The following TNFSF4 variants were observed in gnomAD, a reference collection of about 807,000 sequenced individuals.
TNFSF4 encodes TNF superfamily member 4.
TNFSF4 carries 4 observed loss-of-function variants against 7.3 expected under a neutral mutation model. The ratio of observed to expected loss-of-function variants is 0.55; its 90% CI spans 0.27 to 1.25. TNFSF4 has a LOEUF of 1.25. Ranked by LOEUF, TNFSF4 falls within the 50% of genes most tolerant of loss-of-function variation. The pLI, the probability that TNFSF4 is intolerant of heterozygous loss-of-function variation, is 0.12. For synonymous variants in TNFSF4, 76 were observed against 83.7 expected, an observed-to-expected ratio of 0.91 and a Z score of 0.50; for missense variants, 181 against 208.8, an observed-to-expected ratio of 0.87 and a Z score of 0.82.
At chr1:173,255,003 C>CTGAGTTTTAAAAAACACTGAGA in the TNFSF4 span, among the ~76,000 whole-genome samples, 2 of 152,126 alleles carry the variant, frequency 1.3e-5, no homozygotes, top group Non-Finnish European at 2.9e-5. Flanking sequence ...AACACTGAGT[C>CTGAGTTTTAAAAAACACTGAGA]CCACCCTTAG....
chr1:173,433,719 AACTG>A, the TNFSF4 span, among the ~76,000 whole-genome samples: 1 of 152,028 alleles, frequency 6.6e-6, no homozygotes, highest in African/African-American at 2.4e-5. Context: ...AAATAAAAGA[AACTG>A]ACTGACTCAA....
At chr1:173,226,203 C>A in the TNFSF4 span, among the ~76,000 whole-genome samples, 13 of 152,124 alleles carry the variant, frequency 8.5e-5, no homozygotes, top group Non-Finnish European at 1.5e-4. Flanking sequence ...AGTTTTCCCC[C>A]AAAATCCATT....
At chr1:173,278,034 A>G in the TNFSF4 span, among the ~76,000 whole-genome samples, 1 of 152,120 alleles carries the variant, frequency 6.6e-6, no homozygotes, top group South Asian at 2.1e-4. Context: ...TAAATTCAAT[A>G]ACCAACAAGA....
At chr1:173,227,722 C>T in the TNFSF4 span, among the ~76,000 whole-genome samples, 3 of 152,206 alleles carry the variant, frequency 2.0e-5, no homozygotes, top group Non-Finnish European at 2.9e-5. Context: ...CCTGGAAAAT[C>T]GGGTCACTCC....
the TNFSF4 span, among the ~76,000 whole-genome samples, chr1:173,446,949 A>C: frequency 6.6e-6 from 1 of 152,148 alleles, no homozygotes; most frequent in Non-Finnish European, 1.5e-5. Flanking sequence ...AATACTCCCT[A>C]ATAAACTCCC....
chr1:173,211,876 A>T (rs1210954638), upstream of TNFSF4, among the ~76,000 whole-genome samples: 1 of 152,212 alleles, frequency 6.6e-6, no homozygotes, highest in Non-Finnish European at 1.5e-5. Flanking sequence ...CCTTCACTCT[A>T]GAAATTCTGA....
chr1:173,399,301 T>G, the TNFSF4 span, among the ~76,000 whole-genome samples: 1 of 152,204 alleles, frequency 6.6e-6, no homozygotes, highest in Non-Finnish European at 1.5e-5. Flanking sequence ...GACCCAGAAC[T>G]GTTTACAGAT....
At chr1:173,400,610 C>CA in the TNFSF4 span, among the ~76,000 whole-genome samples, 4 of 151,830 alleles carry the variant, frequency 2.6e-5, no homozygotes, top group South Asian at 2.1e-4. Flanking sequence ...AATCAACAGA[C>CA]AAAAAAAAGG....
At chr1:173,289,066 A>G in the TNFSF4 span, among the ~76,000 whole-genome samples, 1 of 152,100 alleles carries the variant, frequency 6.6e-6, no homozygotes, top group Non-Finnish European at 1.5e-5. Context: ...AGTTTAAGAG[A>G]CAGAAAGGAG....
intron 1 of TNFSF4, among the ~76,000 whole-genome samples, chr1:173,196,115 T>C (rs550350706): frequency 6.6e-6 from 1 of 152,312 alleles, no homozygotes; most frequent in East Asian, 1.9e-4. Flanking sequence ...ACATGGTCTA[T>C]TCTCAGTGGA....
the TNFSF4 span, among the ~76,000 whole-genome samples, chr1:173,236,880 C>G: frequency 6.6e-6 from 1 of 152,170 alleles, no homozygotes. Context: ...TTTGATATCA[C>G]TTGGATGCAA....
At chr1:173,310,962 C>T in the TNFSF4 span, among the ~76,000 whole-genome samples, 14 of 151,780 alleles carry the variant, frequency 9.2e-5, no homozygotes, top group Admixed American at 4.6e-4. Flanking sequence ...AGATATTTAC[C>T]ATCATGTAAT....
chr1:173,382,207 A>T, the TNFSF4 span, among the ~76,000 whole-genome samples: 1 of 152,178 alleles, frequency 6.6e-6, no homozygotes, highest in African/African-American at 2.4e-5. Context: ...ACCGGGAGGA[A>T]CAAACAACTC....
chr1:173,376,540 A>T, the TNFSF4 span, among the ~76,000 whole-genome samples: 1 of 152,150 alleles, frequency 6.6e-6, no homozygotes, highest in Admixed American at 6.5e-5. Context: ...CTAGCTAAAG[A>T]ATTGTAAACA....
At chr1:173,448,637 G>A in the TNFSF4 span, among the ~76,000 whole-genome samples, 3 of 152,140 alleles carry the variant, frequency 2.0e-5, no homozygotes, top group Non-Finnish European at 2.9e-5. Context: ...CTCAGTGGGG[G>A]AGCTTTTTGA....
the TNFSF4 span, among the ~76,000 whole-genome samples, chr1:173,386,559 T>A: frequency 6.6e-6 from 1 of 152,040 alleles, no homozygotes; most frequent in Non-Finnish European, 1.5e-5. Flanking sequence ...CAGTCCCCAC[T>A]AGGTCAATGT....
At chr1:173,255,781 T>C in the TNFSF4 span, among the ~76,000 whole-genome samples, 1 of 152,238 alleles carries the variant, frequency 6.6e-6, no homozygotes, top group East Asian at 1.9e-4. Context: ...CTTTGCTTTG[T>C]CTTACTTCAT....
chr1:173,221,427 G>A, the TNFSF4 span, among the ~76,000 whole-genome samples: 2 of 152,198 alleles, frequency 1.3e-5, no homozygotes, highest in African/African-American at 2.4e-5. Flanking sequence ...AAGATGTAAA[G>A]TGCCTTGACT....
At chr1:173,330,707 T>G in the TNFSF4 span, among the ~76,000 whole-genome samples, 2 of 152,162 alleles carry the variant, frequency 1.3e-5, no homozygotes, top group Admixed American at 1.3e-4. Context: ...AAATCTGATA[T>G]CTAAGCATAG....
Sources: gnomAD v4.1 joint callset for allele counts (sites outside exome capture counted in the v4.1 genomes callset) on GRCh38, gnomAD v4.1.1 for gene constraint, MANE v1.5 for transcripts, NCBI Gene and HGNC (gene_info 2026-07-23, HGNC 2026-07-21) for gene names.